The following PCCA variants were observed in gnomAD, a reference collection of about 807,000 sequenced individuals.
The protein encoded by PCCA is propionyl-CoA carboxylase subunit alpha.
PCCA carries 74 observed loss-of-function variants against 101.3 expected under a neutral mutation model. The observed-to-expected ratio is 0.73, with a 90% CI of 0.61 to 0.89. The LOEUF is 0.89. Among genes scored for constraint, PCCA ranks in the 40% least tolerant of loss-of-function variants. The pLI is 0.00. For synonymous variants in PCCA, 294 were observed against 313.6 expected (o/e 0.94, Z 0.66); for missense variants, 891 against 907.0 (o/e 0.98, Z 0.23).
At chr13:100,269,154 C>A (rs1165858357) in intron 11 of PCCA, among the ~76,000 whole-genome samples, 1 of 152,132 alleles carries the variant, frequency 6.6e-6, no homozygotes, top group East Asian at 1.9e-4. Flanking sequence ...AGCCACATTT[C>A]TTTTTTTATT....
At chr13:100,156,062 G>A (rs1003182305) in intron 5 of PCCA, among the ~76,000 whole-genome samples, 3 of 152,068 alleles carry the variant, frequency 2.0e-5, no homozygotes, top group Non-Finnish European at 4.4e-5. Context: ...GCTTAGTTCA[G>A]CTTTTTTTTT....
intron 19 of PCCA, among the ~76,000 whole-genome samples, chr13:100,420,574 A>G (rs2152885417): frequency 6.6e-6 from 1 of 152,246 alleles, no homozygotes; most frequent in African/African-American, 2.4e-5. Flanking sequence ...GTGATGCCCT[A>G]TCTCAAAAAA....
At chr13:100,196,402 A>T (rs2058103698) in intron 6 of PCCA, among the ~76,000 whole-genome samples, 1 of 152,208 alleles carries the variant, frequency 6.6e-6, no homozygotes, top group South Asian at 2.1e-4. Context: ...TTTATATTTA[A>T]CTATAATATA....
chr13:100,372,899 T>G (rs1022464133), intron 19 of PCCA, among the ~76,000 whole-genome samples: 5 of 151,942 alleles, frequency 3.3e-5, no homozygotes, highest in African/African-American at 1.2e-4. Context: ...GCCACCACAC[T>G]TGGCTAATTT....
intron 22 of PCCA, among the ~76,000 whole-genome samples, chr13:100,520,448 C>CCATCCCGGCTAA (rs756238601): frequency 4.6e-5 from 7 of 151,804 alleles, no homozygotes; most frequent in Admixed American, 3.9e-4. Flanking sequence ...GAGATCGAGA[C>CCATCCCGGCTAA]CACGGTGAAA....
intron 20 of PCCA, among the ~76,000 whole-genome samples, chr13:100,437,698 G>A (rs752046171): frequency 3.3e-5 from 5 of 151,798 alleles, no homozygotes; most frequent in Non-Finnish European, 5.9e-5. Context: ...TGTTTGAGAC[G>A]GAGTCCGTTG....
intron 21 of PCCA, among the ~76,000 whole-genome samples, chr13:100,453,060 G>T (rs1421518114): frequency 6.6e-6 from 1 of 151,876 alleles, no homozygotes; most frequent in Non-Finnish European, 1.5e-5. Flanking sequence ...GCTGGGTGTG[G>T]TGGTGCATGT....
At chr13:100,138,912 G>C (rs1390849311) in intron 4 of PCCA, among the ~76,000 whole-genome samples, 1 of 141,030 alleles carries the variant, frequency 7.1e-6, no homozygotes, top group African/African-American at 2.7e-5. Flanking sequence ...TCCAGCCTGG[G>C]AGACAGAGCA....
At chr13:100,439,362 A>T (rs566171512) in intron 20 of PCCA, among the ~76,000 whole-genome samples, 1 of 152,250 alleles carries the variant, frequency 6.6e-6, no homozygotes, top group South Asian at 2.1e-4. Context: ...CATTTTTAAA[A>T]CGTGGAATGA....
At chr13:100,440,897 C>T (rs963098044) in intron 20 of PCCA, among the ~76,000 whole-genome samples, 1 of 152,120 alleles carries the variant, frequency 6.6e-6, no homozygotes, top group African/African-American at 2.4e-5. Flanking sequence ...AGCTACACAT[C>T]TTAGAAACAA....
chr13:100,361,890 C>A lies in PCCA; in HGVS notation c.1644-6582C>A, dbSNP rs187499726. Among the ~76,000 whole-genome samples the A allele has an allele frequency of 8.5e-5, 13 of 152,142 alleles. No individual in the cohort carries two copies. In the East Asian group the frequency reaches 2.5e-3, roughly 29 times the overall value. On this transcript the variant is annotated intron_variant, in intron 18 of 23. Transcript: ENST00000376285. The stretch of plus-strand genomic sequence containing the variant: ...CGACCTCTACTCCCTAGATTTTTTA[C>A]CCCCCAAGAAATGAAGACATACCTC...
chr13:100,216,108 T>C, intron 7 of PCCA, among the ~76,000 whole-genome samples: 1 of 140,322 alleles, frequency 7.1e-6, no homozygotes. Flanking sequence ...CCCCTTTCCC[T>C]TCCCCTTCCC....
intron 19 of PCCA, among the ~76,000 whole-genome samples, chr13:100,419,961 A>G (rs2078638647): frequency 6.6e-6 from 1 of 152,256 alleles, no homozygotes; most frequent in African/African-American, 2.4e-5. Flanking sequence ...AAACACCTCT[A>G]GCGTTGTGTC....
chr13:100,420,005 A>G (rs2078641901), intron 19 of PCCA, among the ~76,000 whole-genome samples: 1 of 152,232 alleles, frequency 6.6e-6, no homozygotes, highest in Non-Finnish European at 1.5e-5. Flanking sequence ...AGTTTTTTGC[A>G]TAATTTAAAC....
At chr13:100,467,198 A>C (rs367584292) in intron 21 of PCCA, among the ~76,000 whole-genome samples, 3 of 152,166 alleles carry the variant, frequency 2.0e-5, no homozygotes, top group Admixed American at 6.5e-5. Context: ...TCACATGAGC[A>C]TCTGGGTGGT....
At chr13:100,321,590 TCTGTG>T (rs2068042352) in intron 16 of PCCA, among the ~76,000 whole-genome samples, 4 of 24,298 alleles carry the variant, frequency 1.6e-4, no homozygotes, top group African/African-American at 3.4e-4. Flanking sequence ...CTATAGAAGA[TCTGTG>T]TGTGTGTGTG....
At position 100,307,993 on chromosome 13, in the gene PCCA, G is replaced by T. The variant is rs541618294; in HGVS notation, c.1353+733G>T. Among the ~76,000 whole-genome samples the T allele has an allele frequency of 6.6e-5, 10 of 152,118 alleles. No homozygotes were observed. The South Asian group carries it at 2.1e-3, about 32-fold the overall frequency. On this transcript the variant is annotated intron_variant, in intron 15 of 23. Transcript: ENST00000376285. ...CCTGCCTCAGCCTCCTGAGTAGCTG[G>T]GTGGCTCGTGCCACCAAGCCCAGCT...
rs1265812606 is a variant in PCCA, at chr13:100,465,310, A to G, written c.1899+16005A>G. On this transcript the variant is annotated intron_variant, in intron 21 of 23. Transcript: ENST00000376285. ...AAAGACACATGATATTCCTGGCCCC[A>G]TGAGCCAAGCTTAGGAGCAGTGTTC... 3.3e-5 allele frequency among the ~76,000 whole-genome samples: 5 copies of G among 152,208 alleles called. No individual in the cohort carries two copies. In the South Asian group the frequency reaches 6.2e-4, roughly 19 times the overall value.
chr13:100,404,924 A>G (rs1595770809), intron 19 of PCCA, among the ~76,000 whole-genome samples: 3 of 152,242 alleles, frequency 2.0e-5, no homozygotes, highest in South Asian at 4.2e-4. Flanking sequence ...TGGTGTTGTC[A>G]TCTGCCTCTG....
Sources: allele counts gnomAD v4.1 joint callset (sites outside exome capture counted in the v4.1 genomes callset), GRCh38; gene constraint gnomAD v4.1.1; transcripts MANE v1.5; gene names NCBI Gene and HGNC (gene_info 2026-07-23, HGNC 2026-07-21).